Variants in HS6ST3 observed in about 807,000 individuals in gnomAD.
HS6ST3 encodes the protein heparan-sulfate 6-O-sulfotransferase 3.
In HS6ST3, 12 loss-of-function variants were observed where a neutral mutation model predicts 36.7. The ratio of observed to expected loss-of-function variants is 0.33; its 90% CI spans 0.21 to 0.53. The LOEUF (loss-of-function observed/expected upper bound fraction) is 0.53, where lower values mean the gene tolerates loss of function less well. Among genes scored for constraint, HS6ST3 ranks in the 20% least tolerant of loss-of-function variants. HS6ST3 has a pLI of 0.95. For synonymous variants in HS6ST3, 240 were observed against 257.5 expected, an observed-to-expected ratio of 0.93 and a Z score of 0.65; for missense variants, 584 against 640.9, an observed-to-expected ratio of 0.91 and a Z score of 0.96.
intron 1 of HS6ST3, among the ~76,000 whole-genome samples, chr13:96,507,606 A>G (rs1391560979): frequency 1.3e-5 from 2 of 152,208 alleles, no homozygotes; most frequent in East Asian, 3.9e-4. Context: ...CTAACAGCTC[A>G]TAAGAACGGC....
intron 1 of HS6ST3, among the ~76,000 whole-genome samples, chr13:96,831,844 A>C (rs1427746125): frequency 1.3e-5 from 2 of 150,328 alleles, no homozygotes; most frequent in Non-Finnish European, 3.0e-5. Context: ...AATCCCAGCT[A>C]TTCAGGAGGC....
intron 1 of HS6ST3, among the ~76,000 whole-genome samples, chr13:96,823,586 G>A (rs1267501672): frequency 6.6e-6 from 1 of 151,926 alleles, no homozygotes; most frequent in Non-Finnish European, 1.5e-5. Flanking sequence ...CTGTGCCTAT[G>A]TATGAATAAA....
At chr13:96,593,174 CTTTTTTTTTT>C (rs35380296) in intron 1 of HS6ST3, among the ~76,000 whole-genome samples, 7 of 46,622 alleles carry the variant, frequency 1.5e-4, no homozygotes, top group Non-Finnish European at 2.4e-4. Flanking sequence ...TTCTTTCTTT[CTTTTTTTTTT>C]TTTTTTTTTT....
intron 1 of HS6ST3, among the ~76,000 whole-genome samples, chr13:96,761,069 G>C (rs893253840): frequency 1.3e-5 from 2 of 150,974 alleles, no homozygotes; most frequent in Non-Finnish European, 2.9e-5. Flanking sequence ...TCCGTCTCTG[G>C]AAACTTTTAG....
intron 1 of HS6ST3, among the ~76,000 whole-genome samples, chr13:96,101,134 C>T (rs542947925): frequency 2.8e-4 from 43 of 152,170 alleles, no homozygotes; most frequent in African/African-American, 8.9e-4. Context: ...TTTGGCCAGT[C>T]GTATCTATAT....
In HS6ST3 at chr13:96,795,150, C is replaced by T. The variant is rs998137135; in HGVS notation, c.708-37340C>T. The stretch of plus-strand genomic sequence containing the variant: ...GCACAGCCGTTTTAATATCTCAAAC[C>T]TTTCACTCTTTTTTTTAAATCTTCT... On this transcript the variant is annotated intron_variant, in intron 1 of 1. Transcript: ENST00000376705. Among the ~76,000 whole-genome samples, 5 of 151,858 alleles carry T rather than the reference C, an allele frequency of 3.3e-5. No homozygotes were observed. The East Asian group carries it at 9.7e-4, about 29-fold the overall frequency.
chr13:96,474,536 T>A (rs1446655921), intron 1 of HS6ST3, among the ~76,000 whole-genome samples: 1 of 152,196 alleles, frequency 6.6e-6, no homozygotes, highest in Non-Finnish European at 1.5e-5. Context: ...TCAGTATGCA[T>A]TACCACATCA....
intron 1 of HS6ST3, among the ~76,000 whole-genome samples, chr13:96,749,825 T>G (rs1381051391): frequency 6.6e-6 from 1 of 152,108 alleles, no homozygotes; most frequent in Non-Finnish European, 1.5e-5. Flanking sequence ...AATGTATTTG[T>G]ATAAGATTAT....
chr13:96,718,613 C>T (rs1211518997), intron 1 of HS6ST3, among the ~76,000 whole-genome samples: 1 of 152,146 alleles, frequency 6.6e-6, no homozygotes, highest in Non-Finnish European at 1.5e-5. Flanking sequence ...AACTTATGAC[C>T]TACACCTAGT....
chr13:96,111,392 C>A (rs1263832832), intron 1 of HS6ST3, among the ~76,000 whole-genome samples: 2 of 152,122 alleles, frequency 1.3e-5, no homozygotes, highest in Non-Finnish European at 2.9e-5. Flanking sequence ...AAAACTAAAA[C>A]CAATGAAAAG....
rs150983890 is a variant in HS6ST3 at position 96,680,661 on chromosome 13, C to T, written c.708-151829C>T. ...CAGTTCTTGGTTATATCTGCATGGG[C>T]TGCCATGGACCAACTTGTGAAGAAG... On this transcript the variant is annotated intron_variant, in intron 1 of 1. Coordinates refer to ENST00000376705, the MANE Select transcript of HS6ST3 (RefSeq NM_153456.4). Among the ~76,000 whole-genome samples, 765 of 152,350 alleles carry T rather than the reference C, an allele frequency of 5.0e-3. 10 individuals are homozygous for T. The highest frequency in any genetic ancestry group is 0.017 in the African/African-American group (713 of 41,596).
chr13:96,351,924 C>G (rs776123395), intron 1 of HS6ST3, among the ~76,000 whole-genome samples: 2 of 151,832 alleles, frequency 1.3e-5, no homozygotes, highest in Admixed American at 6.6e-5. Context: ...TTGATAATAT[C>G]AATATAATTT....
chr13:96,535,480 C>T (rs1426715168), intron 1 of HS6ST3, among the ~76,000 whole-genome samples: 1 of 151,562 alleles, frequency 6.6e-6, no homozygotes, highest in African/African-American at 2.4e-5. Flanking sequence ...ATCTCTTGAA[C>T]CCGGGAGATG....
At chr13:96,286,029 G>C (rs1388970937) in intron 1 of HS6ST3, among the ~76,000 whole-genome samples, 2 of 124,386 alleles carry the variant, frequency 1.6e-5, no homozygotes, top group Non-Finnish European at 3.2e-5. Context: ...TCTTCTTCCT[G>C]CCTCTCTTTC....
chr13:96,173,774 A>G (rs1453581382), intron 1 of HS6ST3, among the ~76,000 whole-genome samples: 1 of 151,824 alleles, frequency 6.6e-6, no homozygotes, highest in East Asian at 1.9e-4. Flanking sequence ...AGTAAATAAG[A>G]AAAAAAATCA....
At chr13:96,648,538 G>A (rs979716433) in intron 1 of HS6ST3, among the ~76,000 whole-genome samples, 3 of 151,406 alleles carry the variant, frequency 2.0e-5, no homozygotes, top group Non-Finnish European at 4.4e-5. Flanking sequence ...AGGATGTGCA[G>A]GTTTGTTACC....
chr13:96,304,803 C>A (rs574765039), intron 1 of HS6ST3, among the ~76,000 whole-genome samples: 1 of 150,072 alleles, frequency 6.7e-6, no homozygotes, highest in East Asian at 2.0e-4. Flanking sequence ...CTCCGCTTCC[C>A]GGGTTCAAGC....
At chr13:96,659,947 A>G (rs1330993701) in intron 1 of HS6ST3, among the ~76,000 whole-genome samples, 2 of 152,132 alleles carry the variant, frequency 1.3e-5, no homozygotes, top group South Asian at 2.1e-4. Flanking sequence ...ATGACAATAA[A>G]CATTCAACAT....
chr13:96,520,255 T>TATACTAAACC, intron 1 of HS6ST3, among the ~76,000 whole-genome samples: 1 of 152,354 alleles, frequency 6.6e-6, no homozygotes, highest in South Asian at 2.1e-4. Flanking sequence ...TTGGTTACTG[T>TATACTAAACC]AGCCTTGTAG....
Sources: gnomAD v4.1 joint callset for allele counts (sites outside exome capture counted in the v4.1 genomes callset) on GRCh38, gnomAD v4.1.1 for gene constraint, MANE v1.5 for transcripts, NCBI Gene and HGNC (gene_info 2026-07-23, HGNC 2026-07-21) for gene names.